AKAP8: variants seen among roughly 807,000 people sequenced by gnomAD.
AKAP8 encodes A-kinase anchor protein 8.
In AKAP8, 24 loss-of-function variants were observed where a neutral mutation model predicts 67.5. That is an observed-to-expected ratio of 0.36 (90% CI 0.26 to 0.50). AKAP8 has a LOEUF of 0.50. Ranked by LOEUF, AKAP8 falls within the 20% of genes least tolerant of loss-of-function variation. AKAP8 has a pLI of 0.97. For synonymous variants in AKAP8, 400 were observed against 371.1 expected, an observed-to-expected ratio of 1.08 and a Z score of -0.90; for missense variants, 971 against 955.9, an observed-to-expected ratio of 1.02 and a Z score of -0.21.
In AKAP8 at chr19:15,354,299, G is replaced by A. The variant is rs1599552622; in HGVS notation, c.*616C>T. ...ATTGGGACGCAATGCCCTCTGCACA[G>A]TCTGGTTCTTGAGGTTGCGGTGGGT... On this transcript the variant is annotated 3_prime_UTR_variant, in exon 14 of 14. Transcript: ENST00000269701. 6.5e-6 allele frequency: 1 copy of A among 154,154 alleles called. No individual in the cohort carries two copies. Among genetic ancestry groups the A allele is most frequent in the Non-Finnish European group, 1.4e-5 (1 of 69,292 alleles). 9.5% of individuals were successfully genotyped at this position (154,154 alleles called of 1,614,324 possible).
At chr19:15,378,740 A>G (rs757498021) in intron 1 of AKAP8, among the ~76,000 whole-genome samples, 1 of 152,164 alleles carries the variant, frequency 6.6e-6, no homozygotes, top group Non-Finnish European at 1.5e-5. Flanking sequence ...GCTTCTCTAC[A>G]ACCAGTCGAG....
In AKAP8 at chr19:15,355,204, G is replaced by A; in HGVS notation, c.1790C>T (p.Pro597Leu). ...CTCAGCCGGCTCCCCGCTGCTCTCT[G>A]GAGCGGGCGCTCCTTCCCCATCTAC... ...RAVDGEGAPAPESSGEPAEDE... is the reference protein window; with the variant it reads ...RAVDGEGAPALESSGEPAEDE... The change falls in exon 14 of 14, where the codon CCA (proline) becomes CTA (leucine). Residue 597 changes from proline (P) to leucine (L), a missense_variant. Around this residue, in one of 3 missense-constraint regions of AKAP8, gnomAD observed 204 missense variants for 193.0 expected, o/e 1.06. Transcript: ENST00000269701. 1.2e-6 allele frequency: 2 copies of A among 1,611,484 alleles called. No individual in the cohort carries two copies. Among genetic ancestry groups the A allele is most frequent in the Non-Finnish European group, 1.7e-6 (2 of 1,180,026 alleles).
intron 1 of AKAP8, chr19:15,379,375 G>A (rs1013422159): frequency 9.3e-6 from 3 of 322,398 alleles, no homozygotes; most frequent in Non-Finnish European, 1.7e-5. Flanking sequence ...TGCAAACCCC[G>A]GGGTCGCTGG....
At chr19:15,372,756 C>T (rs1967181331) in intron 5 of AKAP8, 95 bp downstream of exon 5, 3 of 1,410,466 alleles carry the variant, frequency 2.1e-6, no homozygotes, top group South Asian at 1.7e-5. Context: ...CACTTAAAAA[C>T]ATTTAAGTGA....
At chr19:15,359,202 A>AC in intron 12 of AKAP8, 140 bp from the exon 13 acceptor site, 1 of 729,120 alleles carries the variant, frequency 1.4e-6, no homozygotes, top group South Asian at 1.8e-5. Context: ...CCAAGAATAG[A>AC]AGGCTCCAGA....
intron 1 of AKAP8, among the ~76,000 whole-genome samples, chr19:15,378,083 C>G (rs1354898503): frequency 1.3e-5 from 2 of 152,176 alleles, no homozygotes; most frequent in Non-Finnish European, 2.9e-5. Context: ...TAGTGCGTGC[C>G]GATACACCGC....
chr19:15,376,251 G>C (rs1403293983), intron 2 of AKAP8, among the ~76,000 whole-genome samples: 3 of 152,132 alleles, frequency 2.0e-5, no homozygotes, highest in African/African-American at 7.2e-5. Flanking sequence ...GGCCAGGCGT[G>C]GTGGCTCACG....
chr19:15,373,447 A>C, intron 4 of AKAP8, 107 bp from the exon 5 acceptor site: 2 of 1,432,938 alleles, frequency 1.4e-6, no homozygotes, highest in African/African-American at 1.4e-5. Context: ...AAACCAAACC[A>C]CCCTGCATCC....
chr19:15,370,757 G>A lies in AKAP8; in HGVS notation c.1039-578C>T, dbSNP rs113686588. 4.9e-3 allele frequency among the ~76,000 whole-genome samples: 696 copies of A among 142,948 alleles called. 9 individuals carry two copies. The highest frequency in any genetic ancestry group is 0.017 in the African/African-American group (658 of 38,392). The allele number at this position is 142,948 out of a possible 152,430, so 93.8% of individuals were successfully genotyped here. A position where few individuals can be genotyped will look rare whatever the true frequency, so the allele number is the denominator to read the frequency against. On this transcript the variant is annotated intron_variant, in intron 7 of 13. Transcript: ENST00000269701. ...AGCAAATCCTCTGCCTCAGCCTCCC[G>A]AGTAGCTGGGACTATAGGCGCATGC... is the stretch of plus-strand genomic sequence containing the variant.
chr19:15,371,642 C>T (rs1967159464), intron 7 of AKAP8, among the ~76,000 whole-genome samples: 1 of 152,084 alleles, frequency 6.6e-6, no homozygotes, highest in Non-Finnish European at 1.5e-5. Context: ...GCAAGTGCCA[C>T]CACTCCTGGC....
intron 3 of AKAP8, 23 bp from the exon 4 acceptor site, chr19:15,374,088 G>A (rs1967210280): frequency 6.5e-7 from 1 of 1,530,252 alleles, no homozygotes; most frequent in Non-Finnish European, 8.8e-7. Flanking sequence ...GAGGAGCCAA[G>A]TCAGACTTCA....
chr19:15,368,372 C>G (rs1171908140), intron 8 of AKAP8, 50 bp from the exon 9 acceptor site: 2 of 1,611,246 alleles, frequency 1.2e-6, no homozygotes, highest in Non-Finnish European at 1.7e-6. Flanking sequence ...TGCAAAGGAG[C>G]TGAGCTCCAG....
chr19:15,372,421 G>A (rs761129872), intron 5 of AKAP8, 74 bp from the exon 6 acceptor site: 1 of 1,578,160 alleles, frequency 6.3e-7, no homozygotes, highest in Non-Finnish European at 8.7e-7. Flanking sequence ...GAACAAGGAG[G>A]TTGTAGGATC....
rs183802217 is a variant in AKAP8 at position 15,379,593 on chromosome 19, G to A, written c.19+120C>T. On this transcript the variant is annotated intron_variant, in intron 1 of 13. Transcript: ENST00000269701. ...CGCGCGCCCTGGCCGCCTCTCCGGA[G>A]GGCCCAGCTGGGGCAACCACGCTCG... is the stretch of plus-strand genomic sequence containing the variant. 1.5e-5 allele frequency: 18 copies of A among 1,182,812 alleles called. No individual in the cohort carries two copies. The African/African-American group carries it at 1.8e-4, about 12-fold the overall frequency. The allele number at this position is 1,182,812 out of a possible 1,614,324, so 73.3% of individuals were successfully genotyped here.
chr19:15,366,169 C>CAAAAAAAAAAAATAAAAAAA (rs1967066906), intron 9 of AKAP8, among the ~76,000 whole-genome samples: 1 of 43,134 alleles, frequency 2.3e-5, no homozygotes. Flanking sequence ...AAAAAAAAAG[C>CAAAAAAAAAAAATAAAAAAA]AAAAAGTAGT....
chr19:15,378,422 C>G (rs1035799148), intron 1 of AKAP8, among the ~76,000 whole-genome samples: 2 of 151,998 alleles, frequency 1.3e-5, no homozygotes, highest in South Asian at 2.1e-4. Context: ...GAAAGGTTTT[C>G]GGCAGGTAGG....
chr19:15,362,125 G>A lies in AKAP8; in HGVS notation c.1287C>T (p.Thr429=), dbSNP rs1222561660. 13 of 1,613,928 alleles carry A rather than the reference G, an allele frequency of 8.1e-6. No individual in the cohort carries two copies. Among genetic ancestry groups the A allele is most frequent in the East Asian group, 2.2e-5 (1 of 44,898 alleles). The change falls in exon 10 of 14, where the codon ACC becomes ACT. Residue 429 remains threonine (T), a synonymous_variant. Transcript: ENST00000269701. ...TTTCCTTTACCTGGAGGAACTCCAC[G>A]GTCTTGTCGGGCAGCTTGGTGCTTA... ...RFISTKLPDK[T]VEFLQEYIVN...
Position 15,368,282 on chromosome 19 carries a change from C to G in AKAP8, c.1113G>C (p.Arg371Ser). 1 of 1,613,690 alleles carries G rather than the reference C, an allele frequency of 6.2e-7. No individual in the cohort carries two copies. The highest frequency in any genetic ancestry group is 2.2e-5 in the East Asian group (1 of 44,880). Residue 371 changes from arginine (R) to serine (S), a missense_variant, in exon 9 of 14, where the codon AGG (arginine) becomes AGC (serine). Around this residue, in one of 3 missense-constraint regions of AKAP8, gnomAD observed 763 missense variants for 745.4 expected, o/e 1.02. Transcript: ENST00000269701. Reference protein sequence around the residue: ...EDEDEDVKKRREKQRRRDRTR... With the variant: ...EDEDEDVKKRSEKQRRRDRTR... ...TCCTGTCTCTTCTCCTTTGCTTTTC[C>G]CTTCTCTTCTTCACATCCTCGTCCT...
At chr19:15,376,917 T>C (rs767079707) in intron 2 of AKAP8, 59 bp downstream of exon 2, 120 of 1,579,252 alleles carry the variant, frequency 7.6e-5, no homozygotes, top group Non-Finnish European at 9.4e-5. Context: ...AGCTCTGCCA[T>C]GCTAGGGCCT....
Sources: gnomAD v4.1 joint callset for allele counts (sites outside exome capture counted in the v4.1 genomes callset) on GRCh38, gnomAD v4.1.1 for gene constraint, gnomAD v4.1.1 regional missense constraint, MANE v1.5 for transcripts, NCBI Gene and HGNC (gene_info 2026-07-23, HGNC 2026-07-21) for gene names.